Variants in LRRC1 observed in about 807,000 individuals in gnomAD.
LRRC1 encodes the protein leucine-rich repeat-containing protein 1.
LRRC1 carries 28 observed loss-of-function variants against 69.9 expected under a neutral mutation model. The observed-to-expected ratio is 0.40, with a 90% CI of 0.30 to 0.55. The LOEUF is 0.55. LRRC1 is among the 20% of genes least tolerant of loss of function. The pLI is 0.47. For missense variants in LRRC1, 498 were observed against 609.0 expected, an observed-to-expected ratio of 0.82 and a Z score of 1.92; for synonymous variants, 236 against 240.2, an observed-to-expected ratio of 0.98 and a Z score of 0.16.
chr6:53,846,212 C>T (rs576183065), intron 2 of LRRC1, among the ~76,000 whole-genome samples: 1 of 152,266 alleles, frequency 6.6e-6, no homozygotes, highest in East Asian at 1.9e-4. Flanking sequence ...TGTTTTCTGA[C>T]ATTTTAGGCG....
intron 1 of LRRC1, among the ~76,000 whole-genome samples, chr6:53,810,220 A>G (rs917245665): frequency 1.3e-5 from 2 of 152,208 alleles, no homozygotes; most frequent in Non-Finnish European, 2.9e-5. Flanking sequence ...AGTAGTAGAT[A>G]AATGTTATGT....
chr6:53,830,107 G>A (rs1007623815), intron 1 of LRRC1, among the ~76,000 whole-genome samples: 13 of 152,314 alleles, frequency 8.5e-5, no homozygotes, highest in African/African-American at 3.1e-4. Context: ...TAGTGAGATG[G>A]CTCACTGGGT....
At chr6:53,886,617 CAGTAATTTGT>C (rs1268364056) in intron 4 of LRRC1, among the ~76,000 whole-genome samples, 1 of 152,132 alleles carries the variant, frequency 6.6e-6, no homozygotes, top group African/African-American at 2.4e-5. Context: ...TTTTATTTTA[CAGTAATTTGT>C]ATTCATTCAT....
At chr6:53,920,437 T>C in intron 12 of LRRC1, 188 bp from the exon 13 acceptor site, 1 of 535,664 alleles carries the variant, frequency 1.9e-6, no homozygotes, top group East Asian at 2.9e-5. Flanking sequence ...CAGGCCTTTT[T>C]CTTTTTGTTT....
At position 53,899,898 on chromosome 6, in the gene LRRC1, A is replaced by G. The variant is rs962686811; in HGVS notation, c.787+7A>G. 1 of 1,613,346 alleles carries G rather than the reference A, an allele frequency of 6.2e-7. No homozygotes were observed. Among genetic ancestry groups the G allele is most frequent in the Non-Finnish European group, 8.5e-7 (1 of 1,179,634 alleles). On this transcript the variant is annotated splice_region_variant and intron_variant, in intron 8 of 13. Transcript: ENST00000370888. ...ACGATTCCGGATGGCATTGGTAAGC[A>G]TTGGAAATCACTAACTGCTAAACAT...
At chr6:53,874,553 A>G (rs1205967765) in intron 2 of LRRC1, among the ~76,000 whole-genome samples, 5 of 152,288 alleles carry the variant, frequency 3.3e-5, no homozygotes, top group African/African-American at 4.8e-5. Flanking sequence ...CATAGATCCA[A>G]ATGTTTTACA....
intron 2 of LRRC1, among the ~76,000 whole-genome samples, chr6:53,867,666 T>A (rs1287225489): frequency 1.3e-5 from 2 of 152,272 alleles, no homozygotes; most frequent in East Asian, 3.9e-4. Flanking sequence ...TTTTATTATT[T>A]TTTTTAACCA....
Position 53,922,967 on chromosome 6 carries a change from G to C in LRRC1, c.*174G>C. 5 of 560,296 alleles carry C rather than the reference G, an allele frequency of 8.9e-6. No individual in the cohort carries two copies. The highest frequency in any genetic ancestry group is 6.2e-5 in the South Asian group (2 of 32,346). The allele number at this position is 560,296 out of a possible 1,614,324, so 34.7% of individuals were successfully genotyped here. Reference sequence around the variant, plus strand: ...AAGTGCCTTACTCATCCCGCAACCAGTCAGCGCACCAGTGGTCTCCCGGTG... The same window carrying C: ...AAGTGCCTTACTCATCCCGCAACCACTCAGCGCACCAGTGGTCTCCCGGTG... On this transcript the variant is annotated 3_prime_UTR_variant, in exon 14 of 14. Coordinates refer to ENST00000370888, the MANE Select transcript of LRRC1 (RefSeq NM_018214.5).
chr6:53,800,801 G>A (rs1400077530), intron 1 of LRRC1, among the ~76,000 whole-genome samples: 1 of 150,026 alleles, frequency 6.7e-6, no homozygotes, highest in Admixed American at 6.6e-5. Flanking sequence ...CACCACGCCC[G>A]GCTAATTTTT....
At chr6:53,815,848 T>A (rs779360718) in intron 1 of LRRC1, among the ~76,000 whole-genome samples, 39 of 152,202 alleles carry the variant, frequency 2.6e-4, no homozygotes, top group Non-Finnish European at 3.7e-4. Flanking sequence ...AAATGTTTTA[T>A]TTTTGTTTGT....
At chr6:53,874,652 C>G (rs1182691943) in intron 2 of LRRC1, among the ~76,000 whole-genome samples, 1 of 152,122 alleles carries the variant, frequency 6.6e-6, no homozygotes, top group Non-Finnish European at 1.5e-5. Flanking sequence ...TTAATTCTCC[C>G]TTTTCCCTAT....
intron 10 of LRRC1, among the ~76,000 whole-genome samples, chr6:53,913,645 A>G (rs545028338): frequency 1.3e-5 from 2 of 152,350 alleles, no homozygotes; most frequent in East Asian, 3.9e-4. Context: ...GAACATGTAC[A>G]TCTAACATTT....
At chr6:53,857,619 C>T (rs1766353793) in intron 2 of LRRC1, among the ~76,000 whole-genome samples, 1 of 152,130 alleles carries the variant, frequency 6.6e-6, no homozygotes, top group Admixed American at 6.5e-5. Flanking sequence ...TAAGGCAGGG[C>T]AGCACATTCA....
chr6:53,828,429 C>G (rs1028455676), intron 1 of LRRC1, among the ~76,000 whole-genome samples: 9 of 152,208 alleles, frequency 5.9e-5, no homozygotes, highest in African/African-American at 2.2e-4. Flanking sequence ...GGCTTGTCTC[C>G]GTTTTCCAAT....
At chr6:53,824,860 C>T (rs1443931833) in intron 1 of LRRC1, among the ~76,000 whole-genome samples, 1 of 152,198 alleles carries the variant, frequency 6.6e-6, no homozygotes, top group African/African-American at 2.4e-5. Context: ...TAAAACCATA[C>T]TAAAGGGTCA....
chr6:53,858,368 C>T (rs890911784), intron 2 of LRRC1, among the ~76,000 whole-genome samples: 2 of 152,116 alleles, frequency 1.3e-5, no homozygotes, highest in African/African-American at 4.8e-5. Flanking sequence ...TCCAGACTCT[C>T]CCTGCCCTGG....
At chr6:53,827,231 A>G (rs924967719) in intron 1 of LRRC1, among the ~76,000 whole-genome samples, 1 of 151,402 alleles carries the variant, frequency 6.6e-6, no homozygotes, top group Non-Finnish European at 1.5e-5. Context: ...AGGGTGGGGA[A>G]TGAAGTTGCT....
At chr6:53,864,412 C>A (rs956745042) in intron 2 of LRRC1, among the ~76,000 whole-genome samples, 3 of 152,156 alleles carry the variant, frequency 2.0e-5, no homozygotes, top group African/African-American at 7.2e-5. Context: ...CATATGCATT[C>A]CTCCAGCATT....
At chr6:53,899,708 G>A in intron 7 of LRRC1, 39 bp from the exon 8 acceptor site, 1 of 1,606,660 alleles carries the variant, frequency 6.2e-7, no homozygotes, top group South Asian at 1.1e-5. Context: ...ACTGTGGCAG[G>A]TTTAAGTGTG....
Sources: gnomAD v4.1 joint callset for allele counts (sites outside exome capture counted in the v4.1 genomes callset) on GRCh38, gnomAD v4.1.1 for gene constraint, MANE v1.5 for transcripts, NCBI Gene and HGNC (gene_info 2026-07-23, HGNC 2026-07-21) for gene names.